Variants in SH3BP5 observed in about 807,000 individuals in gnomAD.
SH3BP5 encodes SH3 domain binding protein 5.
A neutral mutation model predicts 43.3 loss-of-function variants in SH3BP5; 22 were observed. The ratio of observed to expected loss-of-function variants is 0.51; its 90% confidence interval spans 0.36 to 0.73. The LOEUF (loss-of-function observed/expected upper bound fraction) is 0.73. Ranked by LOEUF, SH3BP5 falls within the 30% of genes least tolerant of loss-of-function variation. The pLI is 0.00. For synonymous variants in SH3BP5, 255 were observed against 225.8 expected (o/e 1.13, Z -1.16); for missense variants, 529 against 586.9 (o/e 0.90, Z 1.02).
intron 2 of SH3BP5, among the ~76,000 whole-genome samples, chr3:15,327,975 G>A (rs554323998): frequency 2.0e-5 from 3 of 152,186 alleles, no homozygotes; most frequent in East Asian, 1.9e-4. Context: ...TGGATATTCC[G>A]GGTTAAACAA....
upstream of SH3BP5, among the ~76,000 whole-genome samples, chr3:15,337,265 A>C (rs1698712545): frequency 6.6e-6 from 1 of 151,708 alleles, no homozygotes; most frequent in Non-Finnish European, 1.5e-5. Context: ...TTATATTTTT[A>C]GTAGAGATGA....
intron 5 of SH3BP5, 27 bp from the exon 6 acceptor site, chr3:15,259,830 C>T (rs1459512862): frequency 6.2e-7 from 1 of 1,610,036 alleles, no homozygotes. Context: ...GGAAAGCCAT[C>T]AGAGTAATAT....
At chr3:15,276,312 A>G (rs541922464) in intron 3 of SH3BP5, among the ~76,000 whole-genome samples, 1 of 152,292 alleles carries the variant, frequency 6.6e-6, no homozygotes, top group East Asian at 1.9e-4. Context: ...CAGACCTCCC[A>G]GTTCAAGCCC....
chr3:15,337,963 A>G (rs954596249), intron 1 of SH3BP5, among the ~76,000 whole-genome samples: 1 of 151,506 alleles, frequency 6.6e-6, no homozygotes, highest in Admixed American at 6.6e-5. Context: ...AGCCAAGTCA[A>G]TCCCTCATTG....
intron 5 of SH3BP5, among the ~76,000 whole-genome samples, chr3:15,261,528 ATCTT>A (rs1696436309): frequency 6.6e-6 from 1 of 152,264 alleles, no homozygotes; most frequent in African/African-American, 2.4e-5. Flanking sequence ...CTCTGGGTCT[ATCTT>A]TGGCTGTTAA....
intron 3 of SH3BP5, among the ~76,000 whole-genome samples, chr3:15,281,922 T>A (rs577108465): frequency 6.6e-6 from 1 of 152,236 alleles, no homozygotes; most frequent in African/African-American, 2.4e-5. Context: ...GAGAATTGCT[T>A]GAACCTGGGA....
intron 3 of SH3BP5, among the ~76,000 whole-genome samples, chr3:15,283,069 C>T (rs996473199): frequency 6.6e-6 from 1 of 152,182 alleles, no homozygotes; most frequent in Admixed American, 6.5e-5. Flanking sequence ...TGGTTGTCCT[C>T]ATTAAAGGCA....
intron 3 of SH3BP5, among the ~76,000 whole-genome samples, chr3:15,290,165 G>GT (rs1041344817): frequency 6.6e-6 from 1 of 152,052 alleles, no homozygotes; most frequent in African/African-American, 2.4e-5. Context: ...ACTTTGGGAG[G>GT]TCAAGGCAGT....
At chr3:15,265,426 G>C (rs1696597781) in intron 4 of SH3BP5, among the ~76,000 whole-genome samples, 1 of 151,786 alleles carries the variant, frequency 6.6e-6, no homozygotes, top group African/African-American at 2.4e-5. Flanking sequence ...TGAGGCAGGA[G>C]AAAAGCTTGA....
At chr3:15,307,812 T>C (rs964294387) in intron 2 of SH3BP5, among the ~76,000 whole-genome samples, 4 of 152,226 alleles carry the variant, frequency 2.6e-5, no homozygotes, top group African/African-American at 9.6e-5. Flanking sequence ...GCCAGTGCTG[T>C]CCACATTCAC....
intron 2 of SH3BP5, among the ~76,000 whole-genome samples, chr3:15,327,927 T>C (rs1698505006): frequency 6.6e-6 from 1 of 152,220 alleles, no homozygotes; most frequent in Admixed American, 6.5e-5. Context: ...ATATCAGTAA[T>C]TTTTTAATAG....
At chr3:15,275,422 G>A (rs904764645) in intron 3 of SH3BP5, among the ~76,000 whole-genome samples, 5 of 152,268 alleles carry the variant, frequency 3.3e-5, no homozygotes, top group African/African-American at 1.2e-4. Flanking sequence ...TGGTACAACC[G>A]ATAACATTTT....
At chr3:15,300,431 T>C (rs555754406) in intron 3 of SH3BP5, among the ~76,000 whole-genome samples, 1 of 152,190 alleles carries the variant, frequency 6.6e-6, no homozygotes, top group Non-Finnish European at 1.5e-5. Context: ...AACTGCTATC[T>C]GAAGGAGTCT....
chr3:15,324,409 G>A (rs1164792634), intron 2 of SH3BP5, among the ~76,000 whole-genome samples: 1 of 152,110 alleles, frequency 6.6e-6, no homozygotes, highest in Non-Finnish European at 1.5e-5. Flanking sequence ...GACCACCCTG[G>A]TCCCCAGTGC....
chr3:15,305,786 C>T (rs9837421), intron 2 of SH3BP5, among the ~76,000 whole-genome samples: 85,429 of 151,842 alleles, frequency 0.56, 24,617 homozygotes, highest in East Asian at 0.82. Context: ...TCCATCCTGG[C>T]GACAGCAACT....
chr3:15,266,555 A>G (rs751951994), intron 4 of SH3BP5, among the ~76,000 whole-genome samples: 9 of 152,188 alleles, frequency 5.9e-5, no homozygotes, highest in Non-Finnish European at 1.2e-4. Flanking sequence ...CATAAAGGCT[A>G]CTTCAGTGCC....
intron 4 of SH3BP5, among the ~76,000 whole-genome samples, chr3:15,266,873 G>C (rs1696660105): frequency 6.6e-6 from 1 of 152,246 alleles, no homozygotes; most frequent in Admixed American, 6.5e-5. Flanking sequence ...GAAGTGTGAG[G>C]GGCCGCATAG....
At position 15,269,676 on chromosome 3, in the gene SH3BP5, C is replaced by T. The variant is rs372392332; in HGVS notation, c.495+37G>A. The T allele has an allele frequency of 2.2e-4, 324 of 1,497,576 alleles. 4 individuals are homozygous for T. The African/African-American group carries it at 2.8e-3, about 13-fold the overall frequency. The allele number at this position is 1,497,576 out of a possible 1,614,324, so 92.8% of individuals were successfully genotyped here. A position where few individuals can be genotyped will look rare whatever the true frequency, so the allele number is the denominator to read the frequency against. On this transcript the variant is annotated intron_variant, in intron 4 of 8. Coordinates refer to ENST00000383791, the MANE Select transcript of SH3BP5 (RefSeq NM_004844.5). ...CAGGGGAAGCCAGCGCGCATGCACG[C>T]GCACACCCCCACAGCACACCCGGCC... is the stretch of plus-strand genomic sequence containing the variant.
At chr3:15,284,249 A>G (rs1697205237) in intron 3 of SH3BP5, among the ~76,000 whole-genome samples, 1 of 152,084 alleles carries the variant, frequency 6.6e-6, no homozygotes, top group Non-Finnish European at 1.5e-5. Flanking sequence ...CCATCTGCAC[A>G]CCCATTTTGC....
Sources: allele counts gnomAD v4.1 joint callset (sites outside exome capture counted in the v4.1 genomes callset), GRCh38; gene constraint gnomAD v4.1.1; transcripts MANE v1.5; gene names NCBI Gene and HGNC (gene_info 2026-07-23, HGNC 2026-07-21).